The following DYRK1A variants were observed in gnomAD, a reference collection of about 807,000 sequenced individuals.
DYRK1A encodes dual specificity tyrosine-phosphorylation-regulated kinase 1A.
Under a neutral mutation model 79.7 loss-of-function variants are expected in DYRK1A, and 9 were observed. The ratio of observed to expected loss-of-function variants is 0.11; its 90% CI spans 0.07 to 0.20. DYRK1A has a LOEUF of 0.20. DYRK1A is among the 10% of genes least tolerant of loss of function. The probability of loss-of-function intolerance (pLI) is 1.00; values close to 1 mark genes in which losing one functional copy is unlikely to be tolerated. For synonymous variants in DYRK1A, 349 were observed against 329.7 expected (o/e 1.06, Z -0.63); for missense variants, 622 against 956.0 (o/e 0.65, Z 4.61).
intron 9 of DYRK1A, among the ~76,000 whole-genome samples, chr21:37,498,341 A>G (rs1041326782): frequency 6.6e-6 from 1 of 152,162 alleles, no homozygotes; most frequent in East Asian, 1.9e-4. Flanking sequence ...TATCATTCCA[A>G]ATCCTCTTGT....
chr21:37,404,180 A>T (rs1427778723), intron 1 of DYRK1A, among the ~76,000 whole-genome samples: 1 of 152,182 alleles, frequency 6.6e-6, no homozygotes, highest in Non-Finnish European at 1.5e-5. Context: ...AACAAATATA[A>T]ATTGATGTAA....
chr21:37,367,707 A>C (rs1047822260), intron 1 of DYRK1A, 79 bp downstream of exon 1: 2 of 136,708 alleles, frequency 1.5e-5, no homozygotes, highest in Non-Finnish European at 1.6e-5. Context: ...GCCGGAGCCG[A>C]GGCCGGCCGG....
rs1413069874 is a variant in DYRK1A at position 37,472,899 on chromosome 21, A to G, written c.207+19A>G. The G allele has an allele frequency of 6.7e-7, 1 of 1,484,456 alleles. No individual in the cohort carries two copies. The highest frequency in any genetic ancestry group is 1.4e-5 in the African/African-American group (1 of 71,850). 92.0% of individuals were successfully genotyped at this position (1,484,456 alleles called of 1,614,324 possible). A position where few individuals can be genotyped will look rare whatever the true frequency, so the allele number is the denominator to read the frequency against. ...TAACCAGGTAAGTTCATGGAGTATCAGAAATGACTATTGGAATGGCAGTTT... is the reference window on the plus strand; with the variant it reads ...TAACCAGGTAAGTTCATGGAGTATCGGAAATGACTATTGGAATGGCAGTTT... On this transcript the variant is annotated intron_variant, in intron 3 of 11. Transcript: ENST00000647188.
intron 2 of DYRK1A, among the ~76,000 whole-genome samples, chr21:37,466,860 C>G (rs960716952): frequency 6.6e-6 from 1 of 151,484 alleles, no homozygotes. Context: ...TTTGATGAGG[C>G]GGACCATGAA....
chr21:37,429,619 C>G (rs2050721427), intron 2 of DYRK1A, among the ~76,000 whole-genome samples: 1 of 152,120 alleles, frequency 6.6e-6, no homozygotes, highest in South Asian at 2.1e-4. Flanking sequence ...CCCTGTGATC[C>G]AATCACCTTT....
chr21:37,375,519 C>CTTTTTTTTTT (rs58948987), intron 1 of DYRK1A, among the ~76,000 whole-genome samples: 8 of 81,444 alleles, frequency 9.8e-5, no homozygotes, highest in African/African-American at 1.4e-4. Flanking sequence ...AGGAATATTA[C>CTTTTTTTTTT]TTTTTTTTTT....
At chr21:37,403,106 G>A (rs997248732) in intron 1 of DYRK1A, among the ~76,000 whole-genome samples, 1 of 151,890 alleles carries the variant, frequency 6.6e-6, no homozygotes, top group Admixed American at 6.6e-5. Flanking sequence ...CAAGTTTGCT[G>A]ATTTTTTTTC....
At chr21:37,449,958 A>C (rs1478748267) in intron 2 of DYRK1A, among the ~76,000 whole-genome samples, 1 of 152,230 alleles carries the variant, frequency 6.6e-6, no homozygotes, top group Non-Finnish European at 1.5e-5. Context: ...TGCTGGAAAA[A>C]TAAGTAGGGG....
chr21:37,500,242 T>C (rs1288416159), intron 9 of DYRK1A, among the ~76,000 whole-genome samples: 8 of 152,174 alleles, frequency 5.3e-5, no homozygotes, highest in Admixed American at 5.2e-4. Flanking sequence ...CGTATAGAGA[T>C]CATCATATGA....
At chr21:37,495,966 T>A (rs1402147622) in intron 8 of DYRK1A, 152 bp from the exon 9 acceptor site, 1 of 650,512 alleles carries the variant, frequency 1.5e-6, no homozygotes. Context: ...GGTAGGGCCT[T>A]TCTTGTGTTT....
chr21:37,417,529 C>CTTTTTCT (rs1555959239), intron 1 of DYRK1A, among the ~76,000 whole-genome samples: 78 of 44,050 alleles, frequency 1.8e-3, no homozygotes, highest in East Asian at 2.6e-3. Context: ...TTTTCTTTTT[C>CTTTTTCT]TTTTTTTTTT....
chr21:37,490,557 T>G (rs1480578419), intron 7 of DYRK1A, 96 bp downstream of exon 7: 1 of 1,101,354 alleles, frequency 9.1e-7, no homozygotes, highest in Non-Finnish European at 1.2e-6. Context: ...TAATTGCGGT[T>G]TTCGCCATTG....
At position 37,512,514 on chromosome 21, in the gene DYRK1A, C is replaced by T; in HGVS notation, c.2248C>T (p.Pro750Ser). Reference protein sequence around the residue: ...PMTGVCVQQSPVASS With the variant: ...PMTGVCVQQSSVASS ...GACAGGAGTTTGTGTGCAACAGAGTCCTGTAGCTAGCTCGTGACTACATTG... is the reference window on the plus strand; with the variant it reads ...GACAGGAGTTTGTGTGCAACAGAGTTCTGTAGCTAGCTCGTGACTACATTG... The change falls in exon 12 of 12, where the codon CCT becomes TCT. Residue 750 changes from proline to serine, a missense_variant. Around this residue, in one of 5 missense-constraint regions of DYRK1A, gnomAD observed 292 missense variants for 316.7 expected, o/e 0.92. Transcript: ENST00000647188. 1 of 1,610,782 alleles carries T rather than the reference C, an allele frequency of 6.2e-7. No homozygotes were observed. Among genetic ancestry groups the T allele is most frequent in the South Asian group, 1.1e-5 (1 of 91,032 alleles).
intron 2 of DYRK1A, among the ~76,000 whole-genome samples, chr21:37,431,403 A>G (rs1268841407): frequency 1.3e-5 from 2 of 152,182 alleles, no homozygotes; most frequent in African/African-American, 2.4e-5. Context: ...TGCAATGCCT[A>G]GCTTTAGTGA....
chr21:37,413,566 C>T (rs1011586845), intron 1 of DYRK1A, among the ~76,000 whole-genome samples: 1 of 152,040 alleles, frequency 6.6e-6, no homozygotes. Flanking sequence ...CATATTCTTT[C>T]TAAATGTCTT....
At chr21:37,412,087 A>AT (rs1213997746) in intron 1 of DYRK1A, among the ~76,000 whole-genome samples, 4 of 152,228 alleles carry the variant, frequency 2.6e-5, no homozygotes, top group African/African-American at 9.6e-5. Context: ...CAGGAGATAA[A>AT]TGCAAGTTAA....
intron 2 of DYRK1A, among the ~76,000 whole-genome samples, chr21:37,452,142 T>C (rs2051473719): frequency 1.5e-5 from 2 of 136,986 alleles, no homozygotes; most frequent in Middle Eastern, 3.8e-3. Context: ...GATTTTGAGC[T>C]TTTTTTTTTT....
chr21:37,495,149 A>ATTTTTTTT (rs1260921990), intron 8 of DYRK1A, among the ~76,000 whole-genome samples: 1 of 122,006 alleles, frequency 8.2e-6, no homozygotes, highest in African/African-American at 3.2e-5. Flanking sequence ...AGCCTCTGGG[A>ATTTTTTTT]TTTTGTGTGT....
rs1161794210 is a variant in DYRK1A, at chr21:37,522,057, A to G, written c.*9526A>G. On this transcript the variant is annotated 3_prime_UTR_variant, in exon 12 of 12. Transcript: ENST00000647188. ...CTAGAGGGAGTTGGGAGGACAGCCT[A>G]GGATACGTAAATAAGAGAATCTTGT... The G allele has an allele frequency of 6.6e-6, 1 of 152,182 alleles. No individual in the cohort carries two copies. The highest frequency in any genetic ancestry group is 1.5e-5 in the Non-Finnish European group (1 of 68,022). 9.4% of individuals were successfully genotyped at this position (152,182 alleles called of 1,614,324 possible). A position where few individuals can be genotyped will look rare whatever the true frequency, so the allele number is the denominator to read the frequency against.
Sources: allele counts gnomAD v4.1 joint callset (sites outside exome capture counted in the v4.1 genomes callset), GRCh38; gene constraint gnomAD v4.1.1; regional missense constraint gnomAD v4.1.1; transcripts MANE v1.5; gene names NCBI Gene and HGNC (gene_info 2026-07-23, HGNC 2026-07-21).